Variants in P2RY8 observed in about 807,000 individuals in gnomAD.
The protein encoded by P2RY8 is S-geranylgeranyl-glutathione receptor P2RY8.
A neutral mutation model predicts 10.0 loss-of-function variants in P2RY8; 6 were observed. The observed-to-expected ratio is 0.60, with a 90% CI of 0.33 to 1.19. The LOEUF (loss-of-function observed/expected upper bound fraction) is 1.19. Ranked by LOEUF, P2RY8 falls within the 50% of genes most tolerant of loss-of-function variation. P2RY8 has a pLI of 0.04. For synonymous variants in P2RY8, 276 were observed against 252.5 expected (o/e 1.09, Z -0.88); for missense variants, 456 against 542.0 (o/e 0.84, Z 1.58).
intron 1 of P2RY8, among the ~76,000 whole-genome samples, chrX:1,467,743 C>G (rs192394134): frequency 8.5e-5 from 13 of 152,162 alleles, no homozygotes; most frequent in Admixed American, 7.2e-4. Context: ...GTAGTGCAAA[C>G]GTAACTCACT....
At chrX:1,521,077 CA>C (rs2092387812) in intron 1 of P2RY8, among the ~76,000 whole-genome samples, 1 of 139,110 alleles carries the variant, frequency 7.2e-6, no homozygotes, top group Non-Finnish European at 1.5e-5. Context: ...ACACTGTCGC[CA>C]GGCTGGACTG....
At chrX:1,499,820 T>C (rs2092156613) in intron 1 of P2RY8, among the ~76,000 whole-genome samples, 1 of 151,672 alleles carries the variant, frequency 6.6e-6, no homozygotes, top group Admixed American at 6.6e-5. Flanking sequence ...TATTTATATC[T>C]CTAATTTTTT....
chrX:1,494,887 A>G (rs866091787), intron 1 of P2RY8, among the ~76,000 whole-genome samples: 3 of 125,834 alleles, frequency 2.4e-5, no homozygotes, highest in African/African-American at 3.3e-5. Context: ...TTTTTTTTGT[A>G]TTTTTTTTTT....
chrX:1,483,301 A>G (rs1433353235), intron 1 of P2RY8, among the ~76,000 whole-genome samples: 34 of 152,208 alleles, frequency 2.2e-4, no homozygotes, highest in African/African-American at 7.2e-4. Context: ...GCCCGAAGTC[A>G]AAGCTGGGCT....
chrX:1,524,874 CATCCATCCATCCATCT>C, intron 1 of P2RY8, among the ~76,000 whole-genome samples: 1 of 89,988 alleles, frequency 1.1e-5, no homozygotes, highest in Non-Finnish European at 2.5e-5. Context: ...ACCATCCACT[CATCCATCCATCCATCT>C]ATCCATCCAT....
At chrX:1,516,393 G>C (rs28816190) in intron 1 of P2RY8, among the ~76,000 whole-genome samples, 1 of 144,478 alleles carries the variant, frequency 6.9e-6, no homozygotes, top group Non-Finnish European at 1.5e-5. Context: ...GGAGGAACCA[G>C]CCCTGCCCAC....
intron 1 of P2RY8, among the ~76,000 whole-genome samples, chrX:1,498,726 C>G (rs1275377783): frequency 1.3e-5 from 2 of 151,598 alleles, no homozygotes; most frequent in African/African-American, 2.4e-5. Context: ...CCATGTTGCA[C>G]AGGCTGAACT....
intron 1 of P2RY8, among the ~76,000 whole-genome samples, chrX:1,505,137 CAAA>C (rs1175803425): frequency 0.054 from 5,345 of 99,716 alleles, 211 homozygotes; most frequent in African/African-American, 0.14. Flanking sequence ...GACTCTGTCT[CAAA>C]AAAAAAAAAA....
Position 1,465,135 on chromosome X carries a change from C to T in P2RY8, c.*344G>A. 7.7e-6 allele frequency: 3 copies of T among 388,676 alleles called. No individual in the cohort carries two copies. The highest frequency in any genetic ancestry group is 1.4e-5 in the Non-Finnish European group (3 of 215,460). The allele number at this position is 388,676 out of a possible 1,614,324, so 24.1% of individuals were successfully genotyped here. On this transcript the variant is annotated 3_prime_UTR_variant, in exon 2 of 2. Transcript: ENST00000381297. ...GAGTGTCTAAGGAGCTCGGGGGTGA[C>T]AGCCCAGCTCTACTAAAAAAAATAC... is the stretch of plus-strand genomic sequence containing the variant.
At position 1,471,101 on chromosome X, in the gene P2RY8, C is replaced by T. The variant is rs745935631; in HGVS notation, c.-24-4519G>A. Among the ~76,000 whole-genome samples, 13 of 150,410 alleles carry T rather than the reference C, an allele frequency of 8.6e-5. No homozygotes were observed. In the East Asian group the frequency reaches 1.6e-3, roughly 18 times the overall value. ...CGGCTCTCGGCAACCTCCGCTTCCC[C>T]GGTTCAAGCAATTTTCCTGCCTCAG... On this transcript the variant is annotated intron_variant, in intron 1 of 1. Transcript: ENST00000381297.
At chrX:1,487,913 A>C (rs1323003324) in intron 1 of P2RY8, among the ~76,000 whole-genome samples, 1 of 152,120 alleles carries the variant, frequency 6.6e-6, no homozygotes, top group Non-Finnish European at 1.5e-5. Flanking sequence ...GATCGAGACC[A>C]TCCTGGCTAA....
At chrX:1,497,658 A>C (rs1227182951) in intron 1 of P2RY8, among the ~76,000 whole-genome samples, 14 of 152,042 alleles carry the variant, frequency 9.2e-5, no homozygotes, top group African/African-American at 3.4e-4. Flanking sequence ...TCTGTCTCAA[A>C]ATAAATAAAT....
rs540123845 is a variant in P2RY8 at position 1,483,689 on chromosome X, C to G, written c.-24-17107G>C. 1.6e-4 allele frequency among the ~76,000 whole-genome samples: 24 copies of G among 152,092 alleles called. No individual in the cohort carries two copies. The South Asian group carries it at 4.6e-3, about 29-fold the overall frequency. On this transcript the variant is annotated intron_variant, in intron 1 of 1. Transcript: ENST00000381297. ...ACAGGAGCTCCATTAAAACCCAAAG[C>G]TACCCTCCCTTAGACTCAAAAACAG...
rs1481200151 is a variant in P2RY8, at chrX:1,508,479, C to T, written c.-25+28442G>A. ...GCTGAGGCTGAGAAACTCCACATAT[C>T]GGTTATCCCCACATGAGAGACTCCT... On this transcript the variant is annotated intron_variant, in intron 1 of 1. Transcript: ENST00000381297. Among the ~76,000 whole-genome samples the T allele has an allele frequency of 2.6e-5, 4 of 152,102 alleles. No individual in the cohort carries two copies. In the South Asian group the frequency reaches 8.3e-4, roughly 32 times the overall value.
intron 1 of P2RY8, among the ~76,000 whole-genome samples, chrX:1,528,821 T>A (rs1356760810): frequency 1.3e-5 from 2 of 151,974 alleles, no homozygotes; most frequent in Non-Finnish European, 2.9e-5. Flanking sequence ...TGGGTTTGAG[T>A]CTCTTTGAAT....
chrX:1,512,894 G>A (rs2092309499), intron 1 of P2RY8, among the ~76,000 whole-genome samples: 1 of 151,906 alleles, frequency 6.6e-6, no homozygotes, highest in Non-Finnish European at 1.5e-5. Context: ...AGATACATGT[G>A]CAGAACCTGC....
chrX:1,521,840 G>A (rs1276854979), intron 1 of P2RY8, among the ~76,000 whole-genome samples: 2 of 151,478 alleles, frequency 1.3e-5, no homozygotes, highest in African/African-American at 2.4e-5. Context: ...TGTGCAGCCC[G>A]AAAAGGGTCC....
At chrX:1,479,204 G>C (rs1304685170) in intron 1 of P2RY8, among the ~76,000 whole-genome samples, 1 of 152,192 alleles carries the variant, frequency 6.6e-6, no homozygotes, top group African/African-American at 2.4e-5. Flanking sequence ...TAACCTCTGG[G>C]AGTTCGTTTG....
intron 1 of P2RY8, among the ~76,000 whole-genome samples, chrX:1,509,791 TC>T (rs1200716050): frequency 0.039 from 2,227 of 56,574 alleles, 39 homozygotes; most frequent in Non-Finnish European, 0.063. Context: ...CATCTATGTA[TC>T]CATCCTATCT....
Sources: gnomAD v4.1 joint callset for allele counts (sites outside exome capture counted in the v4.1 genomes callset) on GRCh38, gnomAD v4.1.1 for gene constraint, MANE v1.5 for transcripts, NCBI Gene and HGNC (gene_info 2026-07-23, HGNC 2026-07-21) for gene names.